The following DMD variants were observed in gnomAD, a reference collection of about 807,000 sequenced individuals.
The protein encoded by DMD is mutant dystrophin.
A neutral mutation model predicts 330.1 loss-of-function variants in DMD; 63 were observed. The observed-to-expected ratio is 0.19, with a 90% CI of 0.16 to 0.24. The LOEUF is 0.24. DMD is among the 10% of genes least tolerant of loss of function. The pLI, the probability that DMD is intolerant of heterozygous loss-of-function variation, is 1.00. For synonymous variants in DMD, 1,223 were observed against 959.8 expected (o/e 1.27, Z -5.07); for missense variants, 3,344 against 2,684.1 (o/e 1.25, Z -5.43).
intron 20 of DMD, among the ~76,000 whole-genome samples, chrX:32,485,982 C>A (rs1372471490): frequency 2.7e-5 from 3 of 109,683 alleles, no homozygotes; most frequent in Non-Finnish European, 5.7e-5. Flanking sequence ...ACCTCATGAT[C>A]CACCCACCTT....
intron 1 of DMD, among the ~76,000 whole-genome samples, chrX:33,293,474 A>G (rs1009747393): frequency 9.0e-6 from 1 of 111,569 alleles, no homozygotes; most frequent in Admixed American, 9.5e-5. Context: ...TCCAATCATC[A>G]CATTGCCATC....
At chrX:33,010,265 T>C (rs2093670703) in intron 2 of DMD, among the ~76,000 whole-genome samples, 1 of 106,262 alleles carries the variant, frequency 9.4e-6, no homozygotes, top group Admixed American at 1.0e-4. Context: ...TGTACAAATA[T>C]GTGTGTATAT....
intron 7 of DMD, among the ~76,000 whole-genome samples, chrX:32,795,043 G>A (rs780386966): frequency 2.7e-5 from 3 of 111,823 alleles, no homozygotes; most frequent in South Asian, 7.5e-4. Context: ...CATGTTTATC[G>A]GTCAGAAGAA....
intron 2 of DMD, among the ~76,000 whole-genome samples, chrX:33,004,538 C>G (rs1188267053): frequency 9.0e-6 from 1 of 110,818 alleles, no homozygotes; most frequent in East Asian, 2.8e-4. Flanking sequence ...ATAGTTTTCC[C>G]TAAGTTTTAA....
chrX:32,319,519 A>G (rs1196230803), intron 41 of DMD, among the ~76,000 whole-genome samples: 1 of 111,984 alleles, frequency 8.9e-6, no homozygotes, highest in Non-Finnish European at 1.9e-5. Context: ...TATATTTAGG[A>G]ATATTCAGAA....
intron 20 of DMD, among the ~76,000 whole-genome samples, chrX:32,487,769 A>G (rs1413001581): frequency 9.0e-6 from 1 of 111,642 alleles, no homozygotes; most frequent in Non-Finnish European, 1.9e-5. Flanking sequence ...GTGGGTGAAG[A>G]TTAAAGACGT....
chrX:32,803,653 A>G (rs970400237), intron 7 of DMD, among the ~76,000 whole-genome samples: 2 of 111,980 alleles, frequency 1.8e-5, no homozygotes, highest in Non-Finnish European at 3.8e-5. Flanking sequence ...AGATTCTGCT[A>G]CATTGTGTGT....
At chrX:32,170,541 G>A (rs1012688065) in intron 44 of DMD, among the ~76,000 whole-genome samples, 55 of 108,272 alleles carry the variant, frequency 5.1e-4, no homozygotes, top group African/African-American at 1.6e-3. Context: ...TTACCTAAAC[G>A]TAGTAGTGGC....
intron 53 of DMD, among the ~76,000 whole-genome samples, chrX:31,666,384 TC>T (rs1401988369): frequency 9.0e-6 from 1 of 111,673 alleles, no homozygotes; most frequent in Non-Finnish European, 1.9e-5. Flanking sequence ...TCAGCCATGG[TC>T]CCCGAGTGAC....
intron 43 of DMD, among the ~76,000 whole-genome samples, chrX:32,260,083 T>C (rs2097315700): frequency 1.8e-5 from 2 of 111,551 alleles, no homozygotes; most frequent in Non-Finnish European, 3.8e-5. Context: ...GATTTCATTA[T>C]GTTTCTCATG....
chrX:31,903,499 GAA>G (rs1011682674), intron 47 of DMD, among the ~76,000 whole-genome samples: 4 of 111,927 alleles, frequency 3.6e-5, no homozygotes, highest in Non-Finnish European at 5.7e-5. Context: ...TAAACATACT[GAA>G]CTCACCATTT....
At chrX:32,882,736 T>C (rs1346731413) in intron 2 of DMD, among the ~76,000 whole-genome samples, 3 of 112,282 alleles carry the variant, frequency 2.7e-5, no homozygotes, top group Non-Finnish European at 5.6e-5. Flanking sequence ...TCTAGCCCTG[T>C]AGTTATTTTT....
chrX:32,457,690 G>A (rs762530365), intron 25 of DMD, among the ~76,000 whole-genome samples: 30 of 75,252 alleles, frequency 4.0e-4, no homozygotes, highest in African/African-American at 1.4e-3. Context: ...ATATTTTCTC[G>A]GTAAAACAAG....
In DMD at chrX:31,143,746, A is replaced by G. The variant is rs1201024727; in HGVS notation, c.10921+2545T>C. On this transcript the variant is annotated intron_variant, in intron 76 of 78. Transcript: ENST00000357033. ...TTAACGAGTATGCTGCCTATTCGCC[A>G]TTGTCAACGACCTAAATAATTATTA... Among the ~76,000 whole-genome samples the G allele has an allele frequency of 3.6e-5, 4 of 111,699 alleles. No individual in the cohort carries two copies. The East Asian group carries it at 1.1e-3, about 31-fold the overall frequency.
intron 60 of DMD, among the ~76,000 whole-genome samples, chrX:31,349,918 A>G (rs781169105): frequency 6.9e-4 from 77 of 111,553 alleles, no homozygotes; most frequent in Non-Finnish European, 1.2e-3. Flanking sequence ...TGGCTCAGGT[A>G]GCCTGGTCTC....
chrX:33,097,873 C>T (rs930274267), intron 1 of DMD, among the ~76,000 whole-genome samples: 13 of 110,637 alleles, frequency 1.2e-4, no homozygotes, highest in Admixed American at 4.8e-4. Flanking sequence ...CCTCAGCCTC[C>T]CAAAGTGCTG....
At chrX:32,518,168 T>C in intron 17 of DMD, 37 bp from the exon 18 acceptor site, 2 of 1,176,408 alleles carry the variant, frequency 1.7e-6, no homozygotes, top group Non-Finnish European at 2.3e-6. Context: ...TATTTCTTGA[T>C]TATCTCTTTC....
At chrX:31,803,911 C>A (rs1157415937) in intron 50 of DMD, among the ~76,000 whole-genome samples, 4 of 109,779 alleles carry the variant, frequency 3.6e-5, no homozygotes, top group African/African-American at 1.3e-4. Context: ...GTTGGTCAGG[C>A]TGGTCTCAAA....
intron 4 of DMD, among the ~76,000 whole-genome samples, chrX:32,825,863 T>C (rs2078651694): frequency 9.1e-6 from 1 of 109,644 alleles, no homozygotes; most frequent in South Asian, 3.9e-4. Flanking sequence ...CTAGGGGAGG[T>C]GAAAATGGAG....
Sources: allele counts gnomAD v4.1 joint callset (sites outside exome capture counted in the v4.1 genomes callset), GRCh38; gene constraint gnomAD v4.1.1; transcripts MANE v1.5; gene names NCBI Gene and HGNC (gene_info 2026-07-23, HGNC 2026-07-21).